SLC15A5: variants seen among roughly 807,000 people sequenced by gnomAD.
SLC15A5 encodes solute carrier family 15 member 5.
SLC15A5 carries 58 observed loss-of-function variants against 56.1 expected under a neutral mutation model. The observed-to-expected ratio is 1.03, with a 90% CI of 0.84 to 1.29. The LOEUF is 1.29. SLC15A5 is among the 50% of genes most tolerant of loss of function. The pLI, the probability that SLC15A5 is intolerant of heterozygous loss-of-function variation, is 0.00. For synonymous variants in SLC15A5, 264 were observed against 250.5 expected (o/e 1.05, Z -0.51); for missense variants, 681 against 672.1 (o/e 1.01, Z -0.15).
intron 1 of SLC15A5, among the ~76,000 whole-genome samples, chr12:16,274,350 C>T (rs540790861): frequency 4.7e-4 from 72 of 152,012 alleles, no homozygotes; most frequent in Admixed American, 8.5e-4. Context: ...TTTGATGATT[C>T]GATTAGTGAA....
chr12:16,256,292 T>C (rs1409704107), intron 3 of SLC15A5, among the ~76,000 whole-genome samples: 1 of 152,216 alleles, frequency 6.6e-6, no homozygotes, highest in Non-Finnish European at 1.5e-5. Flanking sequence ...AAATATAGAA[T>C]ATGATCACCT....
chr12:16,239,288 T>C (rs1176513683), intron 5 of SLC15A5, among the ~76,000 whole-genome samples: 1 of 152,236 alleles, frequency 6.6e-6, no homozygotes, highest in Non-Finnish European at 1.5e-5. Flanking sequence ...ACAATACTAA[T>C]CCTTAATCAA....
intron 3 of SLC15A5, among the ~76,000 whole-genome samples, chr12:16,252,333 A>G (rs1375119042): frequency 6.6e-6 from 1 of 152,074 alleles, no homozygotes; most frequent in Non-Finnish European, 1.5e-5. Flanking sequence ...AGAAAAAACT[A>G]AAAAGCATAC....
At position 16,257,693 on chromosome 12, in the gene SLC15A5, T is replaced by A. The variant is rs1327692138; in HGVS notation, c.754+8A>T. The A allele has an allele frequency of 6.9e-7, 1 of 1,449,042 alleles. No homozygotes were observed. The allele number at this position is 1,449,042 out of a possible 1,614,324, so 89.8% of individuals were successfully genotyped here. ...CCCAGAAATCAATGTAACGCATAAT[T>A]TACTTACGTTTTTCTGACTGATAAA... On this transcript the variant is annotated splice_region_variant and intron_variant, in intron 3 of 8. Transcript: ENST00000344941.
chr12:16,257,273 A>G (rs1240839137), intron 3 of SLC15A5, among the ~76,000 whole-genome samples: 1 of 152,302 alleles, frequency 6.6e-6, no homozygotes, highest in East Asian at 1.9e-4. Flanking sequence ...TATAATATTT[A>G]GTTTTTGCTT....
intron 2 of SLC15A5, among the ~76,000 whole-genome samples, chr12:16,266,064 T>G (rs777340800): frequency 3.3e-5 from 5 of 152,192 alleles, no homozygotes; most frequent in Non-Finnish European, 7.4e-5. Flanking sequence ...ACATGGAACG[T>G]GACCACATTG....
At chr12:16,249,896 T>C (rs1194142002) in intron 3 of SLC15A5, among the ~76,000 whole-genome samples, 1 of 152,054 alleles carries the variant, frequency 6.6e-6, no homozygotes, top group Non-Finnish European at 1.5e-5. Context: ...AAAAATCATA[T>C]ACTTTACATT....
In SLC15A5 at chr12:16,189,793, T is replaced by G; in HGVS notation, c.1615A>C (p.Asn539His). 1 of 1,512,966 alleles carries G rather than the reference T, an allele frequency of 6.6e-7. No homozygotes were observed. The highest frequency in any genetic ancestry group is 2.5e-5 in the East Asian group (1 of 40,650). The allele number at this position is 1,512,966 out of a possible 1,614,324, so 93.7% of individuals were successfully genotyped here. The change falls in exon 9 of 9, where the codon AAT becomes CAT. Residue 539 changes from asparagine (N) to histidine (H), a missense_variant. By Grantham distance (68) the Asn-to-His change is moderately conservative (BLOSUM62 1). Transcript: ENST00000344941. ...SQRYCNLNHF[N>H]AQNIRGSNLE... ...TTACTTCCACGGATGTTCTGGGCATTAAAATGATTTAGATTACAATATCTA... is the reference window on the plus strand; with the variant it reads ...TTACTTCCACGGATGTTCTGGGCATGAAAATGATTTAGATTACAATATCTA...
intron 5 of SLC15A5, among the ~76,000 whole-genome samples, chr12:16,234,249 C>T (rs551356995): frequency 5.9e-5 from 9 of 152,252 alleles, no homozygotes; most frequent in African/African-American, 2.2e-4. Context: ...GACTCACTCT[C>T]CTCCCAAAAC....
intron 7 of SLC15A5, among the ~76,000 whole-genome samples, chr12:16,214,555 T>C (rs2136245425): frequency 6.6e-6 from 1 of 152,250 alleles, no homozygotes; most frequent in African/African-American, 2.4e-5. Flanking sequence ...CTCACAATGA[T>C]TCAATCAATG....
At chr12:16,244,494 G>T in intron 4 of SLC15A5, 86 bp downstream of exon 4, 3 of 1,238,244 alleles carry the variant, frequency 2.4e-6, no homozygotes, top group Non-Finnish European at 3.4e-6. Context: ...GAAAGCGCTC[G>T]TTGGGGAGAA....
intron 4 of SLC15A5, among the ~76,000 whole-genome samples, chr12:16,241,233 T>C (rs573816915): frequency 4.8e-4 from 73 of 152,330 alleles, no homozygotes; most frequent in African/African-American, 1.6e-3. Flanking sequence ...CAAACTCGTA[T>C]GGTACAAGAG....
In SLC15A5 at chr12:16,257,708, T is replaced by G; in HGVS notation, c.747A>C (p.Ser249=). 1 of 1,465,746 alleles carries G rather than the reference T, an allele frequency of 6.8e-7. No homozygotes were observed. Among genetic ancestry groups the G allele is most frequent in the South Asian group, 1.4e-5 (1 of 71,016 alleles). 90.8% of individuals were successfully genotyped at this position (1,465,746 alleles called of 1,614,324 possible). Residue 249 remains serine, a synonymous_variant, in exon 3 of 9, where the codon TCA becomes TCC. Transcript: ENST00000344941. ...HMIYYNLIYQ[S]EKRCSLLTGV... ...AACGCATAATTTACTTACGTTTTTC[T>G]GACTGATAAATTAGGTTGTAGTATA... is the stretch of plus-strand genomic sequence containing the variant.
chr12:16,258,990 CT>C (rs35905307), intron 2 of SLC15A5, among the ~76,000 whole-genome samples: 60 of 118,494 alleles, frequency 5.1e-4, no homozygotes, highest in Admixed American at 5.7e-4. Flanking sequence ...TCTTCTTTTT[CT>C]TTTTTTTTTT....
At chr12:16,198,517 C>G (rs1350808021) in intron 7 of SLC15A5, among the ~76,000 whole-genome samples, 9 of 152,088 alleles carry the variant, frequency 5.9e-5, no homozygotes, top group Non-Finnish European at 1.3e-4. Flanking sequence ...CCTCATCTTC[C>G]TGCTGTTATA....
At position 16,237,033 on chromosome 12, in the gene SLC15A5, AG is replaced by A; in HGVS notation, c.1162+2647del. On this transcript the variant is annotated intron_variant, in intron 5 of 8. Coordinates refer to ENST00000344941, the MANE Select transcript of SLC15A5 (RefSeq NM_001170798.1). The surrounding 1 kb of genome is among the most constrained non-coding windows in gnomAD (Gnocchi z 4.1). ...GAGATTAAATGTAATATGTGTATGA[AG>A]GTTCCTAAATTCAAATTAGGAACTC... Among the ~76,000 whole-genome samples, 1 of 152,212 alleles carries A rather than the reference AG, an allele frequency of 6.6e-6. No individual in the cohort carries two copies. Among genetic ancestry groups the A allele is most frequent in the East Asian group, 1.9e-4 (1 of 5,202 alleles).
At chr12:16,220,558 C>T (rs1864175725) in intron 6 of SLC15A5, among the ~76,000 whole-genome samples, 1 of 152,192 alleles carries the variant, frequency 6.6e-6, no homozygotes, top group Non-Finnish European at 1.5e-5. Context: ...AGTTTGCCAC[C>T]TATTTTAATA....
chr12:16,189,565 C>T lies in SLC15A5; in HGVS notation c.*103G>A, dbSNP rs188065677. ...TATACAGATGATATTTGTAAAATCA[C>T]CTCTGTATATATTGGCTTTTACACT... On this transcript the variant is annotated 3_prime_UTR_variant, in exon 9 of 9. Transcript: ENST00000344941. The T allele has an allele frequency of 2.3e-5, 23 of 986,802 alleles. No individual in the cohort carries two copies. Among genetic ancestry groups the T allele is most frequent in the African/African-American group, 2.1e-4 (13 of 60,488 alleles). The allele number at this position is 986,802 out of a possible 1,614,324, so 61.1% of individuals were successfully genotyped here.
intron 7 of SLC15A5, among the ~76,000 whole-genome samples, chr12:16,215,096 G>A (rs768139170): frequency 3.3e-5 from 5 of 151,754 alleles, no homozygotes; most frequent in Non-Finnish European, 2.9e-5. Context: ...CCAGCTACGC[G>A]GGAGGCTGAG....
Sources: gnomAD v4.1 joint callset for allele counts (sites outside exome capture counted in the v4.1 genomes callset) on GRCh38, gnomAD v4.1.1 for gene constraint, Gnocchi (gnomAD v3.1) non-coding constraint, MANE v1.5 for transcripts, NCBI Gene and HGNC (gene_info 2026-07-23, HGNC 2026-07-21) for gene names.